The following AGAP3 variants were observed in gnomAD, a reference collection of about 807,000 sequenced individuals.
AGAP3 encodes the protein arf-GAP with GTPase, ANK repeat and PH domain-containing protein 3.
AGAP3 carries 24 observed loss-of-function variants against 96.9 expected under a neutral mutation model. The ratio of observed to expected loss-of-function variants is 0.25; its 90% CI spans 0.18 to 0.35. AGAP3 has a LOEUF of 0.35. Ranked by LOEUF, AGAP3 falls within the 10% of genes least tolerant of loss-of-function variation. The pLI is 1.00. For synonymous variants in AGAP3, 563 were observed against 536.1 expected (o/e 1.05, Z -0.69); for missense variants, 876 against 1,254.2 (o/e 0.70, Z 4.55).
intron 8 of AGAP3, chr7:151,123,447 G>A: frequency 2.6e-6 from 3 of 1,134,462 alleles, no homozygotes; most frequent in Non-Finnish European, 3.3e-6. Context: ...CCCGGTTGTC[G>A]CGCCCTGTGC....
At chr7:151,104,273 T>C (rs1798951106) in intron 1 of AGAP3, among the ~76,000 whole-genome samples, 1 of 152,220 alleles carries the variant, frequency 6.6e-6, no homozygotes, top group Non-Finnish European at 1.5e-5. Flanking sequence ...ATCTTTAGTG[T>C]CGCCCTTGTG....
intron 1 of AGAP3, among the ~76,000 whole-genome samples, chr7:151,094,647 C>T (rs1271385387): frequency 4.6e-5 from 7 of 152,082 alleles, no homozygotes; most frequent in African/African-American, 1.7e-4. Context: ...TGTACATATC[C>T]TTTATTCATT....
intron 9 of AGAP3, among the ~76,000 whole-genome samples, chr7:151,125,464 T>C (rs1800116328): frequency 1.3e-5 from 2 of 152,174 alleles, no homozygotes; most frequent in South Asian, 2.1e-4. Flanking sequence ...TCAGGGACGC[T>C]CAGTAGGAAG....
intron 8 of AGAP3, chr7:151,123,516 C>T (rs971773620): frequency 2.6e-5 from 33 of 1,261,794 alleles, no homozygotes; most frequent in African/African-American, 4.6e-5. Context: ...CGCCCCCGCC[C>T]CGGGCGTGCT....
intron 10 of AGAP3, among the ~76,000 whole-genome samples, chr7:151,132,404 A>C (rs1800436291): frequency 6.6e-6 from 1 of 152,102 alleles, no homozygotes; most frequent in Non-Finnish European, 1.5e-5. Flanking sequence ...CTCACAGAGG[A>C]CTGGGGTGGC....
intron 4 of AGAP3, 57 bp from the exon 5 acceptor site, chr7:151,117,579 T>C: frequency 6.2e-7 from 1 of 1,612,068 alleles, no homozygotes; most frequent in Non-Finnish European, 8.5e-7. Context: ...TCACCTGCCC[T>C]GCATGGGAGT....
chr7:151,125,748 C>G (rs1253873969), intron 9 of AGAP3, among the ~76,000 whole-genome samples: 3 of 152,244 alleles, frequency 2.0e-5, no homozygotes, highest in African/African-American at 7.2e-5. Flanking sequence ...TTCCCCTCCC[C>G]CCAGCTCCTG....
At chr7:151,128,852 C>G (rs114729854) in intron 10 of AGAP3, among the ~76,000 whole-genome samples, 168 bp downstream of exon 10, 190 of 152,334 alleles carry the variant, frequency 1.2e-3, no homozygotes, top group African/African-American at 4.3e-3. Context: ...TTGGGACATG[C>G]ACAAGACCCG....
Position 151,142,556 on chromosome 7 carries a change from C to T in AGAP3, c.2195C>T (p.Ala732Val), listed in dbSNP as rs1183520463. ...CCTGAGCTGCTGGCTGTCATGACTG[C>T]CATGGGCAATGCCCTCGCCAACAGC... ...WPPELLAVMTAMGNALANSVW... is the reference protein window; with the variant it reads ...WPPELLAVMTVMGNALANSVW... Residue 732 changes from alanine to valine, a missense_variant, in exon 16 of 18, where the codon GCC becomes GTC. By Grantham distance (64) the Ala-to-Val change is moderately conservative (BLOSUM62 0). Coordinates refer to ENST00000397238, the MANE Select transcript of AGAP3 (RefSeq NM_031946.7). This position sits in a 1 kb window ranked among gnomAD's most constrained non-coding sequence, Gnocchi z 7.5. 1.9e-6 allele frequency: 3 copies of T among 1,613,730 alleles called. No homozygotes were observed. Among genetic ancestry groups the T allele is most frequent in the Non-Finnish European group, 2.5e-6 (3 of 1,180,028 alleles).
chr7:151,123,987 G>A, intron 9 of AGAP3, 101 bp downstream of exon 9: 2 of 1,203,132 alleles, frequency 1.7e-6, no homozygotes, highest in East Asian at 2.5e-5. Flanking sequence ...GGGGGAGATG[G>A]CATCAGAGGC....
intron 8 of AGAP3, among the ~76,000 whole-genome samples, chr7:151,121,339 C>T (rs927644245): frequency 6.6e-6 from 1 of 151,110 alleles, no homozygotes; most frequent in Non-Finnish European, 1.5e-5. Context: ...GACATTAGAG[C>T]GTGGGGGGGG....
intron 1 of AGAP3, among the ~76,000 whole-genome samples, chr7:151,105,408 T>A (rs781423226): frequency 1.3e-5 from 2 of 152,174 alleles, no homozygotes; most frequent in African/African-American, 2.4e-5. Context: ...TTGCATTTTT[T>A]ATACAGGTCC....
At chr7:151,124,470 A>G (rs1800072769) in intron 9 of AGAP3, among the ~76,000 whole-genome samples, 1 of 152,098 alleles carries the variant, frequency 6.6e-6, no homozygotes, top group Non-Finnish European at 1.5e-5. Flanking sequence ...TGATGTGTTG[A>G]GCCAGAGCAG....
chr7:151,091,232 T>C (rs918065047), intron 1 of AGAP3, among the ~76,000 whole-genome samples: 1 of 151,702 alleles, frequency 6.6e-6, no homozygotes, highest in Admixed American at 6.6e-5. Context: ...ACTGGGGGGG[T>C]CTGGGATGGG....
At position 151,108,412 on chromosome 7, in the gene AGAP3, G is replaced by T. The variant is rs547364692; in HGVS notation, c.332-8381G>T. On this transcript the variant is annotated intron_variant, in intron 1 of 17. Coordinates refer to ENST00000397238, the MANE Select transcript of AGAP3 (RefSeq NM_031946.7). This position sits in a 1 kb window ranked among gnomAD's most constrained non-coding sequence, Gnocchi z 4.2. ...TTTCCCTGCTCCTTGCACTGCTCTC[G>T]GTCCTGTGGCTCTCTCTGCCACCCG... 6.6e-6 allele frequency among the ~76,000 whole-genome samples: 1 copy of T among 151,826 alleles called. No individual in the cohort carries two copies. The highest frequency in any genetic ancestry group is 6.6e-5 in the Admixed American group (1 of 15,246).
chr7:151,095,411 C>T (rs954843932), intron 1 of AGAP3, among the ~76,000 whole-genome samples: 3 of 152,168 alleles, frequency 2.0e-5, no homozygotes, highest in African/African-American at 4.8e-5. Context: ...CCCTCCTTAC[C>T]GCCGTAGGGG....
chr7:151,123,156 C>T, intron 8 of AGAP3: 1 of 1,087,102 alleles, frequency 9.2e-7, no homozygotes, highest in Non-Finnish European at 1.1e-6. Flanking sequence ...CTGCTCCTTC[C>T]TGCATGGACC....
intron 1 of AGAP3, among the ~76,000 whole-genome samples, chr7:151,093,218 T>C (rs1183857800): frequency 6.6e-6 from 1 of 152,212 alleles, no homozygotes; most frequent in Non-Finnish European, 1.5e-5. Context: ...CCTAGCTCAC[T>C]GTAGCCTCAA....
chr7:151,125,946 C>G (rs1166494476), intron 9 of AGAP3, among the ~76,000 whole-genome samples: 1 of 152,114 alleles, frequency 6.6e-6, no homozygotes, highest in Non-Finnish European at 1.5e-5. Context: ...CGTGCGCAGC[C>G]GGCCGGCCGG....
Sources: allele counts gnomAD v4.1 joint callset (sites outside exome capture counted in the v4.1 genomes callset), GRCh38; gene constraint gnomAD v4.1.1; non-coding constraint Gnocchi (gnomAD v3.1); transcripts MANE v1.5; gene names NCBI Gene and HGNC (gene_info 2026-07-23, HGNC 2026-07-21).